SCUBE1: variants seen among roughly 807,000 people sequenced by gnomAD.
SCUBE1 encodes signal peptide, CUB domain and EGF like domain containing 1, also known as signal peptide, CUB and EGF-like domain-containing protein 1.
Under a neutral mutation model 124.4 loss-of-function variants are expected in SCUBE1, and 59 were observed. The observed-to-expected ratio is 0.47, with a 90% CI of 0.38 to 0.59. The LOEUF is 0.59. SCUBE1 is among the 20% of genes least tolerant of loss of function. The pLI is 0.00. For synonymous variants in SCUBE1, 545 were observed against 550.9 expected, an observed-to-expected ratio of 0.99 and a Z score of 0.15; for missense variants, 1,150 against 1,371.2, an observed-to-expected ratio of 0.84 and a Z score of 2.55.
At chr22:43,205,997 A>C in intron 21 of SCUBE1, among the ~76,000 whole-genome samples, 1 of 89,076 alleles carries the variant, frequency 1.1e-5, no homozygotes, top group African/African-American at 4.5e-5. Flanking sequence ...ACCCCCACTC[A>C]TCACACACCC....
In SCUBE1 at chr22:43,258,491, T is replaced by C. The variant is rs189151729; in HGVS notation, c.611-156A>G. Among the ~76,000 whole-genome samples the C allele has an allele frequency of 6.6e-6, 1 of 152,118 alleles. No homozygotes were observed. Among genetic ancestry groups the C allele is most frequent in the East Asian group, 1.9e-4 (1 of 5,172 alleles). ...AGGCTCGCCGGGCAACGGGGGAGCA[T>C]TTCCCTGCACTTCAGCCCCTCCAGG... On this transcript the variant is annotated intron_variant, in intron 5 of 21. Transcript: ENST00000360835. The surrounding 1 kb of genome is among the most constrained non-coding windows in gnomAD (Gnocchi z 5.0).
intron 3 of SCUBE1, among the ~76,000 whole-genome samples, chr22:43,317,289 C>A (rs1468593425): frequency 6.6e-6 from 1 of 152,186 alleles, no homozygotes; most frequent in Non-Finnish European, 1.5e-5. Context: ...AGGGGCTAGT[C>A]ACTTCACACT....
At chr22:43,218,188 G>C in intron 15 of SCUBE1, 67 bp downstream of exon 15, 1 of 1,530,514 alleles carries the variant, frequency 6.5e-7, no homozygotes, top group Non-Finnish European at 9.0e-7. Flanking sequence ...GCCCACCACT[G>C]TTTACCCCGG....
chr22:43,239,536 A>G (rs996228261), intron 6 of SCUBE1, among the ~76,000 whole-genome samples: 5 of 152,252 alleles, frequency 3.3e-5, no homozygotes, highest in Non-Finnish European at 7.3e-5. Context: ...GTTTTTGTCC[A>G]CTTGAAGCTT....
chr22:43,217,804 C>T (rs570448059), intron 15 of SCUBE1, among the ~76,000 whole-genome samples: 1 of 152,328 alleles, frequency 6.6e-6, no homozygotes, highest in South Asian at 2.1e-4. Context: ...TTCCCTGCAG[C>T]ACGACGCTGC....
intron 3 of SCUBE1, among the ~76,000 whole-genome samples, chr22:43,296,713 A>G (rs940846283): frequency 6.6e-6 from 1 of 152,114 alleles, no homozygotes; most frequent in Non-Finnish European, 1.5e-5. Context: ...TTGATGTACA[A>G]CTGTATCTGT....
Position 43,258,248 on chromosome 22 carries a change from G to C in SCUBE1, c.698C>G (p.Ala233Gly), listed in dbSNP as rs1165231308. The C allele has an allele frequency of 1.2e-6, 2 of 1,613,146 alleles. No individual in the cohort carries two copies. The highest frequency in any genetic ancestry group is 2.2e-5 in the East Asian group (1 of 44,870). The change falls in exon 6 of 22, where the codon GCC becomes GGC. Residue 233 changes from alanine (A) to glycine (G), a missense_variant. Physicochemically the swap from Ala to Gly is moderately conservative, Grantham distance 60. Coordinates refer to ENST00000360835, the MANE Select transcript of SCUBE1 (RefSeq NM_173050.5). The surrounding 1 kb of genome is among the most constrained non-coding windows in gnomAD (Gnocchi z 5.0). ...GPTCGCHQKY[A>G]LHSDGRTCIE... is the part of the protein sequence containing the mutation. ...GCACGTGCGACCGTCTGAGTGGAGG[G>C]CGTACTTCTGGTGGCAACCACACGT... is the stretch of plus-strand genomic sequence containing the variant.
rs201101225 is a variant in SCUBE1 at position 43,229,107 on chromosome 22, C to T, written c.1049G>A (p.Arg350His). 41 of 1,613,778 alleles carry T rather than the reference C, an allele frequency of 2.5e-5. No individual in the cohort carries two copies. In the South Asian group the frequency reaches 3.1e-4, roughly 12 times the overall value. The change falls in exon 9 of 22, where the codon CGC becomes CAC. Residue 350 changes from arginine (R) to histidine (H), a missense_variant. Physicochemically the swap from Arg to His is conservative, Grantham distance 29 (BLOSUM62 0). This residue lies in a region of SCUBE1 where 337 missense variants were observed against 482.1 expected (regional missense o/e 0.70). Transcript: ENST00000360835. Reference protein sequence around the residue: ...SPGSFQCLCHRGYILYGTTHC... With the variant: ...SPGSFQCLCHHGYILYGTTHC... Reference sequence around the variant, plus strand: ...GGTTGTCCCGTAGAGGATGTAGCCGCGGTGACACAGGCACTGGAAGCTGCC... The same window carrying T: ...GGTTGTCCCGTAGAGGATGTAGCCGTGGTGACACAGGCACTGGAAGCTGCC...
Position 43,210,796 on chromosome 22 carries a change from G to T in SCUBE1, c.2383+126C>A, listed in dbSNP as rs890732225. The T allele has an allele frequency of 8.8e-7, 1 of 1,142,520 alleles. No homozygotes were observed. Among genetic ancestry groups the T allele is most frequent in the Non-Finnish European group, 1.3e-6 (1 of 788,846 alleles). 70.8% of individuals were successfully genotyped at this position (1,142,520 alleles called of 1,614,324 possible). A position where few individuals can be genotyped will look rare whatever the true frequency, so the allele number is the denominator to read the frequency against. On this transcript the variant is annotated intron_variant, in intron 18 of 21. Coordinates refer to ENST00000360835, the MANE Select transcript of SCUBE1 (RefSeq NM_173050.5). This position sits in a 1 kb window ranked among gnomAD's most constrained non-coding sequence, Gnocchi z 4.5. ...GGATGCAATGCACCCGAGAGCAGAC[G>T]GGACGGAGCGGGAGGAGTCCAGTGT...
Position 43,222,655 on chromosome 22 carries a change from A to G in SCUBE1, c.1415T>C (p.Leu472Pro). ...LQKRNGTSSGLGPSCSDAPTT... is the reference protein window; with the variant it reads ...LQKRNGTSSGPGPSCSDAPTT... ...GGGGTTACCTGAGCAGCTGGGCCCG[A>G]GGCCAGAGCTGGTGCCGTTGCGTTT... Residue 472 changes from leucine (L) to proline (P), a missense_variant, in exon 12 of 22, where the codon CTC (leucine) becomes CCC (proline). This residue lies in a region of SCUBE1 where 757 missense variants were observed against 840.9 expected (regional missense o/e 0.90). Transcript: ENST00000360835. The G allele has an allele frequency of 6.3e-7, 1 of 1,595,988 alleles. No homozygotes were observed. The highest frequency in any genetic ancestry group is 1.7e-4 in the Middle Eastern group (1 of 5,942).
At chr22:43,306,070 G>A (rs1159131994) in intron 3 of SCUBE1, among the ~76,000 whole-genome samples, 1 of 152,148 alleles carries the variant, frequency 6.6e-6, no homozygotes, top group Non-Finnish European at 1.5e-5. Flanking sequence ...TGCAGCATCT[G>A]CCCCGATGCA....
rs1424763950 is a variant in SCUBE1, at chr22:43,203,759, G to A, written c.*238C>T. Reference sequence around the variant, plus strand: ...CCAGGGCTCAGGAGAGGGCGCTCTTGGTGTCCTGGGGAAGGGAGGCAGAGG... The same window carrying A: ...CCAGGGCTCAGGAGAGGGCGCTCTTAGTGTCCTGGGGAAGGGAGGCAGAGG... On this transcript the variant is annotated 3_prime_UTR_variant, in exon 22 of 22. Coordinates refer to ENST00000360835, the MANE Select transcript of SCUBE1 (RefSeq NM_173050.5). 1.9e-5 allele frequency: 10 copies of A among 516,880 alleles called. No individual in the cohort carries two copies. Among genetic ancestry groups the A allele is most frequent in the South Asian group, 1.6e-4 (7 of 43,472 alleles). 32.0% of individuals were successfully genotyped at this position (516,880 alleles called of 1,614,324 possible). A position where few individuals can be genotyped will look rare whatever the true frequency, so the allele number is the denominator to read the frequency against.
In SCUBE1 at chr22:43,291,110, C is replaced by T. The variant is rs755421946; in HGVS notation, c.420G>A (p.Glu140=). 6.2e-7 allele frequency: 1 copy of T among 1,613,910 alleles called. No homozygotes were observed. Among genetic ancestry groups the T allele is most frequent in the South Asian group, 1.1e-5 (1 of 91,036 alleles). Reference sequence around the variant, plus strand: ...GGAAGAAGCCACTGTGGCACTGACACTCGTAGCTGCCCATGGCATTGACGC... The same window carrying T: ...GGAAGAAGCCACTGTGGCACTGACATTCGTAGCTGCCCATGGCATTGACGC... ...QICVNAMGSY[E]CQCHSGFFLS... is the part of the protein sequence containing the mutation. Residue 140 remains glutamate (E), a synonymous_variant, in exon 4 of 22, where the codon GAG becomes GAA. Transcript: ENST00000360835.
At chr22:43,307,754 TTTC>T (rs2146771025) in intron 3 of SCUBE1, among the ~76,000 whole-genome samples, 1 of 152,344 alleles carries the variant, frequency 6.6e-6, no homozygotes, top group African/African-American at 2.4e-5. Flanking sequence ...GGAAAAAAGA[TTTC>T]TGCTGCTATA....
chr22:43,293,506 C>T (rs1048973824), intron 3 of SCUBE1, among the ~76,000 whole-genome samples: 11 of 152,268 alleles, frequency 7.2e-5, no homozygotes, highest in African/African-American at 1.4e-4. Flanking sequence ...GCTCCTCACA[C>T]GAGCTGGAGT....
At chr22:43,253,345 C>A (rs1923530593) in intron 6 of SCUBE1, among the ~76,000 whole-genome samples, 1 of 152,218 alleles carries the variant, frequency 6.6e-6, no homozygotes. Context: ...CCCGGACTGA[C>A]CCTTCTCAGA....
chr22:43,250,697 C>A lies in SCUBE1; in HGVS notation c.727+7522G>T, dbSNP rs115017029. ...GGTGGCTGTGAGGTTGAGGTAAACA[C>A]GGGGCAGAGTGCAAGGCCCAGAGGG... On this transcript the variant is annotated intron_variant, in intron 6 of 21. Coordinates refer to ENST00000360835, the MANE Select transcript of SCUBE1 (RefSeq NM_173050.5). 9.1e-3 allele frequency among the ~76,000 whole-genome samples: 1,378 copies of A among 152,252 alleles called. 18 individuals are homozygous for A. Among genetic ancestry groups the A allele is most frequent in the African/African-American group, 0.032 (1,321 of 41,546 alleles).
rs1385099688 is a variant in SCUBE1, at chr22:43,238,955, C to T, written c.728-1G>A. ...CCTCCGTTATTGACTGCGCACGTCT[C>T]TGGGGAGGGAAAGAGACAGAGACCT... is the stretch of plus-strand genomic sequence containing the variant. On this transcript the variant is annotated splice_acceptor_variant, in intron 6 of 21. Transcript: ENST00000360835. LOFTEE classifies it high-confidence loss of function. The T allele has an allele frequency of 6.2e-7, 1 of 1,608,544 alleles. No individual in the cohort carries two copies. The highest frequency in any genetic ancestry group is 1.7e-5 in the Admixed American group (1 of 59,972).
chr22:43,214,334 C>T, intron 15 of SCUBE1, 83 bp from the exon 16 acceptor site: 5 of 1,392,026 alleles, frequency 3.6e-6, no homozygotes, highest in Non-Finnish European at 3.9e-6. Context: ...CCCAGGCTCT[C>T]CTGATAGACA....
Sources: gnomAD v4.1 joint callset for allele counts (sites outside exome capture counted in the v4.1 genomes callset) on GRCh38, gnomAD v4.1.1 for gene constraint, gnomAD v4.1.1 regional missense constraint, Gnocchi (gnomAD v3.1) non-coding constraint, MANE v1.5 for transcripts, NCBI Gene and HGNC (gene_info 2026-07-23, HGNC 2026-07-21) for gene names.